The following RTL4 variants were observed in gnomAD, a reference collection of about 807,000 sequenced individuals.
RTL4 encodes the protein retrotransposon Gag-like protein 4.
In RTL4, 4 loss-of-function variants were observed where a neutral mutation model predicts 5.3. The ratio of observed to expected loss-of-function variants is 0.75; its 90% confidence interval spans 0.37 to 1.72. The LOEUF is 1.72. Among genes scored for constraint, RTL4 ranks in the 40% most tolerant of loss-of-function variants. The pLI is 0.04. For synonymous variants in RTL4, 98 were observed against 87.3 expected, an observed-to-expected ratio of 1.12 and a Z score of -0.68; for missense variants, 260 against 227.1, an observed-to-expected ratio of 1.14 and a Z score of -0.93.
At chrX:112,103,446 C>A in the RTL4 span, among the ~76,000 whole-genome samples, 5 of 110,657 alleles carry the variant, frequency 4.5e-5, no homozygotes, top group Non-Finnish European at 9.5e-5. Context: ...GGAGGGAGAG[C>A]CTCAGAAAGA....
At chrX:112,330,826 A>G in the RTL4 span, among the ~76,000 whole-genome samples, 1 of 111,429 alleles carries the variant, frequency 9.0e-6, no homozygotes, top group Non-Finnish European at 1.9e-5. Context: ...TCAATGGAAC[A>G]GAACAGAGCC....
At chrX:112,195,457 C>T in the RTL4 span, among the ~76,000 whole-genome samples, 2 of 111,840 alleles carry the variant, frequency 1.8e-5, no homozygotes, top group African/African-American at 6.5e-5. Context: ...CTCCATCATT[C>T]CCCAATTAAG....
the RTL4 span, among the ~76,000 whole-genome samples, chrX:112,235,637 G>C: frequency 8.9e-6 from 1 of 111,947 alleles, no homozygotes; most frequent in Admixed American, 9.5e-5. Flanking sequence ...TTAAGCACAA[G>C]TATAAATATT....
the RTL4 span, among the ~76,000 whole-genome samples, chrX:112,153,185 A>G: frequency 8.9e-5 from 10 of 112,341 alleles, no homozygotes; most frequent in Non-Finnish European, 1.7e-4. Context: ...CCAAGTTTCT[A>G]AAACTGGTTA....
chrX:112,192,467 G>A, the RTL4 span, among the ~76,000 whole-genome samples: 1 of 110,890 alleles, frequency 9.0e-6, no homozygotes, highest in Non-Finnish European at 1.9e-5. Context: ...ATACAGCACT[G>A]CCTTTTTTGT....
At chrX:112,151,636 G>A in the RTL4 span, among the ~76,000 whole-genome samples, 1 of 111,981 alleles carries the variant, frequency 8.9e-6, no homozygotes, top group Non-Finnish European at 1.9e-5. Context: ...CTCAGAAGAG[G>A]GAGAAAGAGA....
the RTL4 span, among the ~76,000 whole-genome samples, chrX:112,096,733 A>C: frequency 8.9e-6 from 1 of 111,855 alleles, no homozygotes; most frequent in African/African-American, 3.2e-5. Context: ...ACTACATAGC[A>C]AAGCAAGGAT....
the RTL4 span, among the ~76,000 whole-genome samples, chrX:112,318,902 A>T: frequency 8.9e-6 from 1 of 111,905 alleles, no homozygotes; most frequent in Non-Finnish European, 1.9e-5. Context: ...GAACAGAATG[A>T]ATTAATCAAC....
chrX:112,166,183 T>C, the RTL4 span, among the ~76,000 whole-genome samples: 2 of 112,272 alleles, frequency 1.8e-5, no homozygotes, highest in African/African-American at 3.2e-5. Context: ...CAAGTGCCAG[T>C]GTAGACTCTG....
chrX:112,103,286 G>A, the RTL4 span, among the ~76,000 whole-genome samples: 94 of 111,181 alleles, frequency 8.5e-4, no homozygotes, highest in African/African-American at 2.6e-3. Flanking sequence ...GGATTGAGCT[G>A]GGAGCCATTA....
the RTL4 span, among the ~76,000 whole-genome samples, chrX:112,112,576 G>A: frequency 1.8e-5 from 2 of 112,248 alleles, no homozygotes; most frequent in African/African-American, 6.5e-5. Flanking sequence ...AAGCAGACCT[G>A]GGCCTTTGAT....
the RTL4 span, among the ~76,000 whole-genome samples, chrX:112,142,718 G>A: frequency 2.7e-5 from 3 of 112,448 alleles, no homozygotes; most frequent in African/African-American, 9.7e-5. Context: ...AGGGGTGTGT[G>A]TAACTAGGAT....
At chrX:112,176,674 C>T in the RTL4 span, among the ~76,000 whole-genome samples, 6 of 111,814 alleles carry the variant, frequency 5.4e-5, no homozygotes, top group East Asian at 2.8e-4. Flanking sequence ...TTTATCTTTG[C>T]GTTGGGAACA....
the RTL4 span, among the ~76,000 whole-genome samples, chrX:112,083,463 A>G: frequency 6.4e-4 from 72 of 112,275 alleles, no homozygotes; most frequent in Non-Finnish European, 1.3e-3. Context: ...CTGAGTCGCC[A>G]GGGACTGACC....
At chrX:112,146,398 T>A in the RTL4 span, among the ~76,000 whole-genome samples, 1 of 111,392 alleles carries the variant, frequency 9.0e-6, no homozygotes, top group Non-Finnish European at 1.9e-5. Flanking sequence ...GATAGGCCTA[T>A]AACATAGTAA....
the RTL4 span, among the ~76,000 whole-genome samples, chrX:112,127,378 C>A: frequency 2.7e-5 from 3 of 110,698 alleles, no homozygotes; most frequent in Non-Finnish European, 5.7e-5. Flanking sequence ...AACAACCATT[C>A]ATGATTCCAA....
the RTL4 span, among the ~76,000 whole-genome samples, chrX:112,304,045 G>A: frequency 1.8e-5 from 2 of 110,104 alleles, no homozygotes; most frequent in Non-Finnish European, 1.9e-5. Context: ...TCTTTTTTGA[G>A]CGTGGCCATA....
the RTL4 span, among the ~76,000 whole-genome samples, chrX:112,402,416 G>GTC: frequency 2.8e-5 from 3 of 107,285 alleles, no homozygotes; most frequent in Non-Finnish European, 3.9e-5. Flanking sequence ...GTGTGTGTGT[G>GTC]TGTGTGTGTG....
the RTL4 span, among the ~76,000 whole-genome samples, chrX:112,188,778 T>TC: frequency 4.5e-5 from 5 of 109,982 alleles, no homozygotes; most frequent in Middle Eastern, 4.7e-3. Context: ...TGCTCAACTA[T>TC]CCCCCCCGCC....
Sources: gnomAD v4.1 joint callset for allele counts (sites outside exome capture counted in the v4.1 genomes callset) on GRCh38, gnomAD v4.1.1 for gene constraint, MANE v1.5 for transcripts, NCBI Gene and HGNC (gene_info 2026-07-23, HGNC 2026-07-21) for gene names.